The following HS6ST3 variants were observed in gnomAD, a reference collection of about 807,000 sequenced individuals.
HS6ST3 encodes heparan sulfate 6-O-sulfotransferase 3.
HS6ST3 carries 12 observed loss-of-function variants against 36.7 expected under a neutral mutation model. The ratio of observed to expected loss-of-function variants is 0.33; its 90% CI spans 0.21 to 0.53. HS6ST3 has a LOEUF of 0.53. Among genes scored for constraint, HS6ST3 ranks in the 20% least tolerant of loss-of-function variants. The pLI, the probability that HS6ST3 is intolerant of heterozygous loss-of-function variation, is 0.95. For synonymous variants in HS6ST3, 240 were observed against 257.5 expected (o/e 0.93, Z 0.65); for missense variants, 584 against 640.9 (o/e 0.91, Z 0.96).
chr13:96,507,395 A>C (rs1012520170), intron 1 of HS6ST3, among the ~76,000 whole-genome samples: 20 of 152,154 alleles, frequency 1.3e-4, no homozygotes, highest in Non-Finnish European at 2.2e-4. Flanking sequence ...GAGTAAGGCC[A>C]GACCCTGATT....
rs541103208 is a variant in HS6ST3 at position 96,171,485 on chromosome 13, G to A, written c.707+79916G>A. 1.3e-4 allele frequency among the ~76,000 whole-genome samples: 20 copies of A among 152,182 alleles called. 1 individual carries two copies. Among genetic ancestry groups the A allele is most frequent in the Admixed American group, 3.3e-4 (5 of 15,276 alleles). ...GCTTGCTCAGGCCTCTCGGGTTATC[G>A]GGATATATTTTCTTTGACAATATTC... On this transcript the variant is annotated intron_variant, in intron 1 of 1. Transcript: ENST00000376705.
At chr13:96,578,602 C>T (rs2056330256) in intron 1 of HS6ST3, among the ~76,000 whole-genome samples, 1 of 152,098 alleles carries the variant, frequency 6.6e-6, no homozygotes, top group Non-Finnish European at 1.5e-5. Flanking sequence ...ACTCTGCCAC[C>T]TAGGCTGTAG....
chr13:96,385,163 G>T (rs2055361208), intron 1 of HS6ST3, among the ~76,000 whole-genome samples: 1 of 131,192 alleles, frequency 7.6e-6, no homozygotes, highest in Admixed American at 8.7e-5. Flanking sequence ...TGGGCAACAA[G>T]AGCAGAACTC....
intron 1 of HS6ST3, among the ~76,000 whole-genome samples, chr13:96,698,465 C>G (rs1875193227): frequency 6.6e-6 from 1 of 152,064 alleles, no homozygotes; most frequent in Admixed American, 6.6e-5. Flanking sequence ...TTTCCAATAA[C>G]ACACAAACAG....
chr13:96,423,159 T>A (rs1319062900), intron 1 of HS6ST3, among the ~76,000 whole-genome samples: 1 of 152,182 alleles, frequency 6.6e-6, no homozygotes, highest in Non-Finnish European at 1.5e-5. Context: ...AACTCTTTTC[T>A]CCTTAAGAAT....
At chr13:96,312,951 C>CAAAAAA (rs754098470) in intron 1 of HS6ST3, among the ~76,000 whole-genome samples, 2 of 81,438 alleles carry the variant, frequency 2.5e-5, no homozygotes, top group African/African-American at 4.5e-5. Flanking sequence ...GACCCTGTCT[C>CAAAAAA]AAAAAAAAAA....
chr13:96,699,818 C>T (rs1461970632), intron 1 of HS6ST3, among the ~76,000 whole-genome samples: 5 of 152,200 alleles, frequency 3.3e-5, no homozygotes, highest in Non-Finnish European at 5.9e-5. Flanking sequence ...GCACTATTCA[C>T]AATAGCAAAG....
chr13:96,605,268 T>C (rs1483963635), intron 1 of HS6ST3, among the ~76,000 whole-genome samples: 1 of 152,140 alleles, frequency 6.6e-6, no homozygotes, highest in Non-Finnish European at 1.5e-5. Flanking sequence ...AAAATATTCC[T>C]ATGGATTATA....
chr13:96,239,504 A>G (rs1235962868), intron 1 of HS6ST3, among the ~76,000 whole-genome samples: 1 of 152,248 alleles, frequency 6.6e-6, no homozygotes, highest in Non-Finnish European at 1.5e-5. Flanking sequence ...GTTGGTGAAT[A>G]CAATTCAACT....
At chr13:96,348,073 C>T (rs1240229685) in intron 1 of HS6ST3, among the ~76,000 whole-genome samples, 1 of 152,184 alleles carries the variant, frequency 6.6e-6, no homozygotes, top group Non-Finnish European at 1.5e-5. Context: ...CAACACTATG[C>T]AATCAGAGAG....
At chr13:96,244,922 G>A (rs1359760877) in intron 1 of HS6ST3, among the ~76,000 whole-genome samples, 1 of 152,174 alleles carries the variant, frequency 6.6e-6, no homozygotes. Flanking sequence ...AAATAAAATT[G>A]TTGTTGCTGC....
Position 96,091,086 on chromosome 13 carries a change from C to T in HS6ST3, c.224C>T (p.Pro75Leu). The T allele has an allele frequency of 1.5e-6, 2 of 1,301,172 alleles. No homozygotes were observed. The highest frequency in any genetic ancestry group is 1.9e-6 in the Non-Finnish European group (2 of 1,029,588). 80.6% of individuals were successfully genotyped at this position (1,301,172 alleles called of 1,614,324 possible). A position where few individuals can be genotyped will look rare whatever the true frequency, so the allele number is the denominator to read the frequency against. The stretch of plus-strand genomic sequence containing the variant: ...CGGCGGCCCCAGTTGCCCCCGCCGC[C>T]CCGGGGGCCCCCCGAGGGACCTCGG... ...WERRPQLPPP[P>L]RGPPEGPRGA... Residue 75 changes from proline to leucine, a missense_variant, in exon 1 of 2, where the codon CCC becomes CTC. Physicochemically the swap from Pro to Leu is moderately conservative, Grantham distance 98. Coordinates refer to ENST00000376705, the MANE Select transcript of HS6ST3 (RefSeq NM_153456.4).
intron 1 of HS6ST3, among the ~76,000 whole-genome samples, chr13:96,539,065 T>G (rs1165243920): frequency 6.6e-6 from 1 of 152,210 alleles, no homozygotes; most frequent in African/African-American, 2.4e-5. Context: ...CCAGGGTTTC[T>G]CAGGGAAGTA....
intron 1 of HS6ST3, among the ~76,000 whole-genome samples, chr13:96,335,382 C>A (rs993388700): frequency 2.0e-5 from 3 of 152,208 alleles, no homozygotes; most frequent in Non-Finnish European, 4.4e-5. Flanking sequence ...GTGGTTTGAA[C>A]TGACCTTGGT....
intron 1 of HS6ST3, among the ~76,000 whole-genome samples, chr13:96,285,941 C>T (rs1013439058): frequency 3.4e-5 from 5 of 149,086 alleles, no homozygotes; most frequent in African/African-American, 1.2e-4. Flanking sequence ...CTCCCTCCCT[C>T]CTTTTCTCTT....
At chr13:96,831,918 G>GCAC in intron 1 of HS6ST3, among the ~76,000 whole-genome samples, 1 of 126,348 alleles carries the variant, frequency 7.9e-6, no homozygotes, top group South Asian at 2.6e-4. Context: ...TTGTGCCACT[G>GCAC]CACTCCAGCC....
At chr13:96,522,579 A>G (rs1414049591) in intron 1 of HS6ST3, among the ~76,000 whole-genome samples, 1 of 152,040 alleles carries the variant, frequency 6.6e-6, no homozygotes, top group Non-Finnish European at 1.5e-5. Context: ...CTTCTTGTTG[A>G]ATTTATCCCT....
intron 1 of HS6ST3, among the ~76,000 whole-genome samples, chr13:96,414,373 AT>A (rs1377342194): frequency 6.6e-5 from 10 of 152,316 alleles, no homozygotes; most frequent in African/African-American, 2.4e-4. Context: ...TGACCTTTTA[AT>A]TTGTATATGC....
intron 1 of HS6ST3, among the ~76,000 whole-genome samples, chr13:96,119,768 A>G (rs2053916157): frequency 6.6e-6 from 1 of 151,842 alleles, no homozygotes; most frequent in African/African-American, 2.4e-5. Flanking sequence ...CCCAGTTTTC[A>G]CTCTGTACAG....
Sources: gnomAD v4.1 joint callset for allele counts (sites outside exome capture counted in the v4.1 genomes callset) on GRCh38, gnomAD v4.1.1 for gene constraint, MANE v1.5 for transcripts, NCBI Gene and HGNC (gene_info 2026-07-23, HGNC 2026-07-21) for gene names.